C3orf20: variants seen among roughly 807,000 people sequenced by gnomAD.
The protein encoded by C3orf20 is family with sequence similarity 149 member C.
Under a neutral mutation model 88.3 loss-of-function variants are expected in C3orf20, and 76 were observed. The observed-to-expected ratio is 0.86, with a 90% confidence interval of 0.72 to 1.04. C3orf20 has a LOEUF of 1.04. Ranked by LOEUF, C3orf20 falls within the 50% of genes least tolerant of loss-of-function variation. C3orf20 has a pLI of 0.00. For missense variants in C3orf20, 1,056 were observed against 1,123.3 expected (o/e 0.94, Z 0.86); for synonymous variants, 436 against 437.4 (o/e 1.00, Z 0.04).
In C3orf20 at chr3:14,728,379, C is replaced by T. The variant is rs1175663317; in HGVS notation, c.1691-60C>T. 40 of 1,600,974 alleles carry T rather than the reference C, an allele frequency of 2.5e-5. 1 individual carries two copies. The South Asian group carries it at 3.0e-4, about 12-fold the overall frequency. The stretch of plus-strand genomic sequence containing the variant: ...GCACTTAGATGTTTCCAGTCTGGGA[C>T]CAGGGGCAGAGGAGTCCTGGCCATG... On this transcript the variant is annotated intron_variant, in intron 11 of 16. Transcript: ENST00000253697.
chr3:14,692,674 T>A (rs1349677406), intron 5 of C3orf20, among the ~76,000 whole-genome samples: 2 of 152,228 alleles, frequency 1.3e-5, no homozygotes, highest in Non-Finnish European at 2.9e-5. Context: ...TCTCCCATTC[T>A]GTGGGTTGTC....
chr3:14,760,131 C>A (rs1013796388), intron 14 of C3orf20, 133 bp downstream of exon 14: 3 of 719,746 alleles, frequency 4.2e-6, no homozygotes, highest in African/African-American at 3.5e-5. Flanking sequence ...ATCTCCCCAC[C>A]GTGGCTGAGG....
At chr3:14,687,598 G>A (rs376183287) in intron 4 of C3orf20, among the ~76,000 whole-genome samples, 28 of 152,300 alleles carry the variant, frequency 1.8e-4, no homozygotes, top group Middle Eastern at 3.4e-3. Flanking sequence ...TCTGTTGCAC[G>A]TGCATGAGAG....
intron 5 of C3orf20, among the ~76,000 whole-genome samples, chr3:14,693,309 G>T (rs1029812467): frequency 2.0e-5 from 3 of 152,074 alleles, no homozygotes; most frequent in Non-Finnish European, 4.4e-5. Flanking sequence ...AGATTGCTTT[G>T]GGTAGTACAG....
At chr3:14,690,978 T>G (rs986193902) in intron 5 of C3orf20, among the ~76,000 whole-genome samples, 2 of 152,198 alleles carry the variant, frequency 1.3e-5, no homozygotes, top group African/African-American at 4.8e-5. Context: ...AGCCCTCACC[T>G]CCATGTTGGT....
chr3:14,717,490 G>A (rs971778211), intron 9 of C3orf20, among the ~76,000 whole-genome samples: 3 of 152,142 alleles, frequency 2.0e-5, no homozygotes, highest in Non-Finnish European at 2.9e-5. Flanking sequence ...GGGACTAAAT[G>A]TGGCATTTTT....
intron 7 of C3orf20, among the ~76,000 whole-genome samples, chr3:14,711,322 T>G (rs2033729356): frequency 6.6e-6 from 1 of 152,194 alleles, no homozygotes; most frequent in South Asian, 2.1e-4. Flanking sequence ...AGTTTTTAAA[T>G]TTATATATAT....
intron 12 of C3orf20, among the ~76,000 whole-genome samples, chr3:14,729,142 C>T (rs1025522580): frequency 6.6e-6 from 1 of 152,168 alleles, no homozygotes; most frequent in African/African-American, 2.4e-5. Context: ...GAGGGTCAGG[C>T]CTGCAAAGTC....
intron 12 of C3orf20, among the ~76,000 whole-genome samples, chr3:14,751,017 A>C (rs186318887): frequency 6.6e-6 from 1 of 152,230 alleles, no homozygotes; most frequent in Admixed American, 6.5e-5. Flanking sequence ...CCTCAAACTA[A>C]ATAATCTTAA....
chr3:14,688,568 A>G (rs9861655), intron 4 of C3orf20, among the ~76,000 whole-genome samples: 48,414 of 149,940 alleles, frequency 0.32, 8,156 homozygotes, highest in African/African-American at 0.38. Context: ...AAAGAAAAAG[A>G]AAAAAAGCTG....
chr3:14,717,604 G>T (rs558899740), intron 9 of C3orf20, among the ~76,000 whole-genome samples: 1 of 152,290 alleles, frequency 6.6e-6, no homozygotes, highest in East Asian at 1.9e-4. Flanking sequence ...GAGTTTGCAT[G>T]CTGTCTTGGA....
intron 12 of C3orf20, among the ~76,000 whole-genome samples, chr3:14,747,423 T>A (rs1336908126): frequency 1.3e-5 from 2 of 152,198 alleles, no homozygotes; most frequent in African/African-American, 4.8e-5. Flanking sequence ...TTTTGAAATT[T>A]ACACCAAATT....
At chr3:14,719,874 A>G (rs180808321) in intron 9 of C3orf20, among the ~76,000 whole-genome samples, 10 of 152,322 alleles carry the variant, frequency 6.6e-5, no homozygotes, top group Admixed American at 3.9e-4. Context: ...CAATTTGTCT[A>G]AAATTGCCCA....
chr3:14,690,909 A>G (rs2124907455), intron 5 of C3orf20, among the ~76,000 whole-genome samples: 1 of 152,344 alleles, frequency 6.6e-6, no homozygotes, highest in Admixed American at 6.5e-5. Flanking sequence ...CTGGAAGCCA[A>G]GGAGCTTGGA....
intron 15 of C3orf20, 79 bp from the exon 16 acceptor site, chr3:14,771,988 G>C: frequency 6.4e-7 from 1 of 1,566,560 alleles, no homozygotes; most frequent in Non-Finnish European, 8.7e-7. Context: ...TGTCTGTCCA[G>C]GCTCCCAGAA....
At position 14,722,489 on chromosome 3, in the gene C3orf20, A is replaced by T. The variant is rs149030949; in HGVS notation, c.1566+705A>T. ...AAAGGAAAATCAAGGTGCTGTTACC[A>T]GGAGAAGAAATGATGCTGAGTAGAA... On this transcript the variant is annotated intron_variant, in intron 10 of 16. Coordinates refer to ENST00000253697, the MANE Select transcript of C3orf20 (RefSeq NM_032137.5). 5.3e-4 allele frequency: 244 copies of T among 456,726 alleles called. 3 individuals are homozygous for T. In the East Asian group the frequency reaches 0.014, roughly 26 times the overall value. 28.3% of individuals were successfully genotyped at this position (456,726 alleles called of 1,614,324 possible).
intron 15 of C3orf20, among the ~76,000 whole-genome samples, chr3:14,766,608 G>A (rs1361791144): frequency 6.6e-6 from 1 of 152,212 alleles, no homozygotes; most frequent in Non-Finnish European, 1.5e-5. Context: ...CTATTTGCAG[G>A]CCCCTATCTG....
intron 12 of C3orf20, among the ~76,000 whole-genome samples, chr3:14,738,258 C>A (rs566548714): frequency 3.3e-5 from 5 of 151,208 alleles, no homozygotes; most frequent in Non-Finnish European, 7.4e-5. Context: ...ACCTCTGCCC[C>A]CCGGGTTCAA....
At chr3:14,737,021 C>A (rs1161835841) in intron 12 of C3orf20, among the ~76,000 whole-genome samples, 1 of 152,134 alleles carries the variant, frequency 6.6e-6, no homozygotes, top group Non-Finnish European at 1.5e-5. Flanking sequence ...GAAGATATTG[C>A]ATCTTTTTTT....
Sources: allele counts gnomAD v4.1 joint callset (sites outside exome capture counted in the v4.1 genomes callset), GRCh38; gene constraint gnomAD v4.1.1; transcripts MANE v1.5; gene names NCBI Gene and HGNC (gene_info 2026-07-23, HGNC 2026-07-21).